FBN1: variants seen among roughly 807,000 people sequenced by gnomAD.
FBN1 encodes the protein fibrillin 1.
Under a neutral mutation model 365.1 loss-of-function variants are expected in FBN1, and 29 were observed. The ratio of observed to expected loss-of-function variants is 0.08; its 90% CI spans 0.06 to 0.11. The LOEUF (loss-of-function observed/expected upper bound fraction) is 0.11, where lower values mean the gene tolerates loss of function less well. FBN1 is among the 10% of genes least tolerant of loss of function. The pLI, the probability that FBN1 is intolerant of heterozygous loss-of-function variation, is 1.00. For synonymous variants in FBN1, 1,210 were observed against 1,270.5 expected, an observed-to-expected ratio of 0.95 and a Z score of 1.01; for missense variants, 2,476 against 3,703.2, an observed-to-expected ratio of 0.67 and a Z score of 8.60.
intron 17 of FBN1, among the ~76,000 whole-genome samples, chr15:48,501,964 T>C: frequency 6.6e-6 from 1 of 152,216 alleles, no homozygotes; most frequent in East Asian, 1.9e-4. Context: ...ATAATTTCTA[T>C]ATTATTCACC....
At chr15:48,455,005 A>G (rs1438157564) in intron 44 of FBN1, among the ~76,000 whole-genome samples, 1 of 152,186 alleles carries the variant, frequency 6.6e-6, no homozygotes, top group East Asian at 1.9e-4. Context: ...GGCATCTGAT[A>G]ATGTGGCTAC....
Position 48,605,893 on chromosome 15 carries a change from A to T in FBN1, c.346+4835T>A, listed in dbSNP as rs186461802. On this transcript the variant is annotated intron_variant, in intron 4 of 65. Transcript: ENST00000316623. Reference sequence around the variant, plus strand: ...CCGTCTAAAAAAATTATTTTAATGAAAAATAAGAATCTGGACAAAAGATAT... The same window carrying T: ...CCGTCTAAAAAAATTATTTTAATGATAAATAAGAATCTGGACAAAAGATAT... Among the ~76,000 whole-genome samples the T allele has an allele frequency of 2.9e-3, 449 of 152,278 alleles. 4 individuals carry two copies. The highest frequency in any genetic ancestry group is 0.011 in the African/African-American group (438 of 41,544).
intron 2 of FBN1, among the ~76,000 whole-genome samples, chr15:48,615,268 C>A (rs551059130): frequency 8.9e-4 from 135 of 152,022 alleles, no homozygotes; most frequent in African/African-American, 3.2e-3. Flanking sequence ...CTGTGGTTGA[C>A]ATAACAAGGT....
chr15:48,595,162 A>G (rs1316269813), intron 6 of FBN1, among the ~76,000 whole-genome samples: 1 of 152,216 alleles, frequency 6.6e-6, no homozygotes, highest in Admixed American at 6.5e-5. Context: ...TCAAATAGGT[A>G]TTACTGCATT....
chr15:48,467,029 G>A (rs1046690192), intron 38 of FBN1, among the ~76,000 whole-genome samples: 1 of 152,094 alleles, frequency 6.6e-6, no homozygotes, highest in African/African-American at 2.4e-5. Flanking sequence ...AATCCTATGA[G>A]GTATTTTATG....
At chr15:48,511,642 T>C (rs9806163) in intron 13 of FBN1, among the ~76,000 whole-genome samples, 55,705 of 152,062 alleles carry the variant, frequency 0.37, 12,594 homozygotes, top group African/African-American at 0.65. Context: ...TACTTCCCAG[T>C]TATGTGCACA....
chr15:48,481,925 T>C, intron 31 of FBN1, 145 bp from the exon 32 acceptor site: 1 of 793,462 alleles, frequency 1.3e-6, no homozygotes, highest in South Asian at 1.6e-5. Flanking sequence ...TAGAGGCCAA[T>C]TTACATTTGC....
chr15:48,469,350 C>T (rs1346949702), intron 36 of FBN1, among the ~76,000 whole-genome samples: 1 of 152,036 alleles, frequency 6.6e-6, no homozygotes, highest in Non-Finnish European at 1.5e-5. Flanking sequence ...CCCTGACACA[C>T]ACGCGTGAGG....
chr15:48,558,888 A>C (rs1461170850), intron 6 of FBN1, among the ~76,000 whole-genome samples: 4 of 152,216 alleles, frequency 2.6e-5, no homozygotes, highest in Admixed American at 2.6e-4. Flanking sequence ...CTGTACATGC[A>C]TTCAGATCTG....
chr15:48,426,542 A>C (rs2042980763), intron 58 of FBN1, among the ~76,000 whole-genome samples: 1 of 151,992 alleles, frequency 6.6e-6, no homozygotes, highest in Admixed American at 6.6e-5. Flanking sequence ...TGCACTGTTG[A>C]GCATTAAAAC....
At chr15:48,526,101 C>A (rs1434334580) in intron 9 of FBN1, 29 bp downstream of exon 9, 1 of 1,613,920 alleles carries the variant, frequency 6.2e-7, no homozygotes, top group East Asian at 2.2e-5. Context: ...CTTACACAAA[C>A]CATGCATGCT....
chr15:48,643,404 T>G (rs760694898), intron 2 of FBN1: 11 of 152,222 alleles, frequency 7.2e-5, no homozygotes, highest in Non-Finnish European at 1.3e-4. Flanking sequence ...ACAGCCTAAG[T>G]GCTTGGCTCA....
chr15:48,570,884 G>C (rs1176884368), intron 6 of FBN1, among the ~76,000 whole-genome samples: 1 of 152,208 alleles, frequency 6.6e-6, no homozygotes, highest in Non-Finnish European at 1.5e-5. Context: ...AAGAGGAAAG[G>C]TGATTGGAAG....
At chr15:48,573,661 T>A (rs1299664632) in intron 6 of FBN1, among the ~76,000 whole-genome samples, 1 of 152,134 alleles carries the variant, frequency 6.6e-6, no homozygotes. Context: ...AGCAAGGAGA[T>A]CTTGGATTCT....
chr15:48,478,386 A>G (rs1434336781), intron 32 of FBN1, among the ~76,000 whole-genome samples: 2 of 152,198 alleles, frequency 1.3e-5, no homozygotes, highest in Admixed American at 6.5e-5. Flanking sequence ...TTCTCTTATG[A>G]AAGAAACCAG....
intron 14 of FBN1, 112 bp from the exon 15 acceptor site, chr15:48,508,816 C>T (rs1325338509): frequency 2.4e-6 from 3 of 1,264,604 alleles, no homozygotes; most frequent in Non-Finnish European, 3.3e-6. Flanking sequence ...TTTGTTATTA[C>T]AGCCTAAGGC....
rs794728315 is a variant in FBN1, at chr15:48,441,718, T to TA, written c.6163+2dup. On this transcript the variant is annotated splice_region_variant and intron_variant, in intron 50 of 65. Transcript: ENST00000316623. ...AAAGCCCAAAGCCTTCAAAGACACT[T>TA]ACCTTGGCACCTTCTTCCACTGGAG... The TA allele has an allele frequency of 2.7e-5, 44 of 1,613,246 alleles. No homozygotes were observed. The highest frequency in any genetic ancestry group is 3.5e-5 in the Non-Finnish European group (41 of 1,179,576).
intron 6 of FBN1, among the ~76,000 whole-genome samples, chr15:48,557,978 G>A (rs944295881): frequency 2.0e-5 from 3 of 152,166 alleles, no homozygotes; most frequent in Non-Finnish European, 2.9e-5. Context: ...AAAAGTTAGA[G>A]TGGTTCCCCC....
At chr15:48,623,978 C>CAT (rs72097330) in intron 2 of FBN1, among the ~76,000 whole-genome samples, 17 of 151,484 alleles carry the variant, frequency 1.1e-4, no homozygotes, top group Admixed American at 2.0e-4. Flanking sequence ...AACACACACA[C>CAT]ACACACACAC....
Sources: allele counts gnomAD v4.1 joint callset (sites outside exome capture counted in the v4.1 genomes callset), GRCh38; gene constraint gnomAD v4.1.1; transcripts MANE v1.5; gene names NCBI Gene and HGNC (gene_info 2026-07-23, HGNC 2026-07-21).